The following ZC3H12A variants were observed in gnomAD, a reference collection of about 807,000 sequenced individuals.
ZC3H12A encodes endoribonuclease ZC3H12A.
In ZC3H12A, 9 loss-of-function variants were observed where a neutral mutation model predicts 29.9. The ratio of observed to expected loss-of-function variants is 0.30; its 90% CI spans 0.18 to 0.53. The LOEUF (loss-of-function observed/expected upper bound fraction) is 0.53. Ranked by LOEUF, ZC3H12A falls within the 20% of genes least tolerant of loss-of-function variation. ZC3H12A has a pLI of 0.96. For missense variants in ZC3H12A, 617 were observed against 799.0 expected (o/e 0.77, Z 2.75); for synonymous variants, 323 against 338.1 (o/e 0.96, Z 0.49).
Position 37,481,824 on chromosome 1 carries a change from C to T in ZC3H12A, c.807C>T (p.Phe269=), listed in dbSNP as rs745695390. The change falls in exon 4 of 6, where the codon TTC becomes TTT. Residue 269 remains phenylalanine, a synonymous_variant. Transcript: ENST00000373087. ...FIEERLLMYS[F]VNDKFMPPDD... ...AGGAGCGGCTGCTCATGTACTCCTT[C>T]GTCAATGACAAGTATGTTCCCTCCC... 47 of 1,613,722 alleles carry T rather than the reference C, an allele frequency of 2.9e-5. No homozygotes were observed. The highest frequency in any genetic ancestry group is 8.3e-5 in the Admixed American group (5 of 59,930).
chr1:37,481,491 A>T, intron 3 of ZC3H12A, 110 bp from the exon 4 acceptor site: 1 of 1,016,302 alleles, frequency 9.8e-7, no homozygotes, highest in Non-Finnish European at 1.5e-6. Context: ...TGCCCCGGTG[A>T]CCTTGGCGTT....
chr1:37,483,034 G>C lies in ZC3H12A; in HGVS notation c.1223G>C (p.Ser408Thr). 1 of 1,607,284 alleles carries C rather than the reference G, an allele frequency of 6.2e-7. No homozygotes were observed. Among genetic ancestry groups the C allele is most frequent in the South Asian group, 1.1e-5 (1 of 90,396 alleles). Reference sequence around the variant, plus strand: ...CCATCAGGCAGGAGCCTCGCACCTAGCGGGGGCAGTGGCAGCAGCTTTGGG... The same window carrying C: ...CCATCAGGCAGGAGCCTCGCACCTACCGGGGGCAGTGGCAGCAGCTTTGGG... ...YAPSGRSLAPSGGSGSSFGPT... is the reference protein window; with the variant it reads ...YAPSGRSLAPTGGSGSSFGPT... The change falls in exon 6 of 6, where the codon AGC (serine) becomes ACC (threonine). Residue 408 changes from serine to threonine, a missense_variant. Ser to Thr is a moderately conservative substitution (Grantham distance 58). Around this residue, in one of 5 missense-constraint regions of ZC3H12A, gnomAD observed 115 missense variants for 112.5 expected, o/e 1.02. Transcript: ENST00000373087.
chr1:37,480,566 G>C (rs183259358), intron 3 of ZC3H12A, 137 bp downstream of exon 3: 2 of 1,278,288 alleles, frequency 1.6e-6, no homozygotes, highest in African/African-American at 3.0e-5. Context: ...AGTTTTTTCT[G>C]TCCTTAGCAA....
At chr1:37,477,190 C>T (rs1641607966) in intron 2 of ZC3H12A, among the ~76,000 whole-genome samples, 1 of 152,260 alleles carries the variant, frequency 6.6e-6, no homozygotes, top group South Asian at 2.1e-4. Context: ...CTCTCAGTGT[C>T]CAGCCTCATG....
In ZC3H12A at chr1:37,479,645, T is replaced by A; in HGVS notation, c.444-645T>A. ...TGGGGAACTTGCTTCACTCCGGCGC[T>A]TTCTGTCCCATGCTGAAGGCTGGAG... is the stretch of plus-strand genomic sequence containing the variant. On this transcript the variant is annotated intron_variant, in intron 2 of 5. Coordinates refer to ENST00000373087, the MANE Select transcript of ZC3H12A (RefSeq NM_025079.3). This position sits in a 1 kb window ranked among gnomAD's most constrained non-coding sequence, Gnocchi z 4.5. The A allele has an allele frequency of 3.0e-6, 3 of 985,404 alleles. No individual in the cohort carries two copies. Among genetic ancestry groups the A allele is most frequent in the South Asian group, 9.4e-5 (2 of 21,288 alleles). 61.0% of individuals were successfully genotyped at this position (985,404 alleles called of 1,614,324 possible). A position where few individuals can be genotyped will look rare whatever the true frequency, so the allele number is the denominator to read the frequency against.
intron 2 of ZC3H12A, 173 bp from the exon 3 acceptor site, chr1:37,480,117 T>C (rs1310874737): frequency 7.5e-7 from 1 of 1,327,112 alleles, no homozygotes; most frequent in Non-Finnish European, 9.8e-7. Context: ...GGCCAGGGCC[T>C]GAGCCCTGGG....
rs1641636857 is a variant in ZC3H12A at position 37,478,575 on chromosome 1, T to C, written c.444-1715T>C. On this transcript the variant is annotated intron_variant, in intron 2 of 5. Transcript: ENST00000373087. This position sits in a 1 kb window ranked among gnomAD's most constrained non-coding sequence, Gnocchi z 5.2. ...TGCCTGCGAATCCCTGCTCATTCCCTGCGATCAGGGTCTGTGCCTGCCTTC... is the reference window on the plus strand; with the variant it reads ...TGCCTGCGAATCCCTGCTCATTCCCCGCGATCAGGGTCTGTGCCTGCCTTC... 6.6e-6 allele frequency among the ~76,000 whole-genome samples: 1 copy of C among 152,206 alleles called. No homozygotes were observed. Among genetic ancestry groups the C allele is most frequent in the Non-Finnish European group, 1.5e-5 (1 of 68,036 alleles).
rs1019457664 is a variant in ZC3H12A at position 37,479,112 on chromosome 1, T to C, written c.444-1178T>C. On this transcript the variant is annotated intron_variant, in intron 2 of 5. Transcript: ENST00000373087. The surrounding 1 kb of genome is among the most constrained non-coding windows in gnomAD (Gnocchi z 4.5). ...CTGGACTTGCCTCTTTTGCGTAACA[T>C]TTATTCTGTTTTATTTGCCAAATAC... 17 of 985,352 alleles carry C rather than the reference T, an allele frequency of 1.7e-5. No individual in the cohort carries two copies. The Admixed American group carries it at 9.8e-4, about 57-fold the overall frequency. 61.0% of individuals were successfully genotyped at this position (985,352 alleles called of 1,614,324 possible).
rs1274368917 is a variant in ZC3H12A, at chr1:37,480,332, G to A, written c.486G>A (p.Leu162=). The part of the protein sequence containing the change: ...KEVFSCRGIL[L]AVNWFLERGH... Reference sequence around the variant, plus strand: ...TCTTCTCCTGCCGGGGCATCCTGCTGGCAGTGAACTGGTTTCTGGAGCGGG... The same window carrying A: ...TCTTCTCCTGCCGGGGCATCCTGCTAGCAGTGAACTGGTTTCTGGAGCGGG... The change falls in exon 3 of 6, where the codon CTG becomes CTA. Residue 162 remains leucine (L), a synonymous_variant. Coordinates refer to ENST00000373087, the MANE Select transcript of ZC3H12A (RefSeq NM_025079.3). 6.2e-7 allele frequency: 1 copy of A among 1,614,072 alleles called. No homozygotes were observed.
At position 37,476,105 on chromosome 1, in the gene ZC3H12A, C is replaced by T. The variant is rs1238498786; in HGVS notation, c.443+166C>T. ...AAAGCCTTTTATGAGGCTAGGGTCG[C>T]GCTACTGGTAAGTGACAGAGGCAGG... is the stretch of plus-strand genomic sequence containing the variant. On this transcript the variant is annotated intron_variant, in intron 2 of 5. Transcript: ENST00000373087. This position sits in a 1 kb window ranked among gnomAD's most constrained non-coding sequence, Gnocchi z 6.0. Among the ~76,000 whole-genome samples the T allele has an allele frequency of 1.3e-5, 2 of 152,174 alleles. No individual in the cohort carries two copies. The highest frequency in any genetic ancestry group is 2.9e-5 in the Non-Finnish European group (2 of 68,034).
chr1:37,476,000 C>A lies in ZC3H12A; in HGVS notation c.443+61C>A. ...TCGCATCTCTCCTGTGGCCAGGACACATGGAAGGATGACTGTCTCTGCAGC... is the reference window on the plus strand; with the variant it reads ...TCGCATCTCTCCTGTGGCCAGGACAAATGGAAGGATGACTGTCTCTGCAGC... On this transcript the variant is annotated intron_variant, in intron 2 of 5. Coordinates refer to ENST00000373087, the MANE Select transcript of ZC3H12A (RefSeq NM_025079.3). The surrounding 1 kb of genome is among the most constrained non-coding windows in gnomAD (Gnocchi z 5.2). 7.1e-7 allele frequency: 1 copy of A among 1,417,830 alleles called. No individual in the cohort carries two copies. Among genetic ancestry groups the A allele is most frequent in the Non-Finnish European group, 9.3e-7 (1 of 1,077,092 alleles). 87.8% of individuals were successfully genotyped at this position (1,417,830 alleles called of 1,614,324 possible). A position where few individuals can be genotyped will look rare whatever the true frequency, so the allele number is the denominator to read the frequency against.
rs1641567187 is a variant in ZC3H12A at position 37,475,570 on chromosome 1, G to A, written c.74G>A (p.Ser25Asn). ...PTMSLWEFEDSHSRQGTPRPG... is the reference protein window; with the variant it reads ...PTMSLWEFEDNHSRQGTPRPG... ...ATGAGTCTGTGGGAATTTGAGGACA[G>A]CCACAGCCGTCAGGGCACCCCAAGG... The change falls in exon 2 of 6, where the codon AGC (serine) becomes AAC (asparagine). Residue 25 changes from serine (S) to asparagine (N), a missense_variant. Around this residue, in one of 5 missense-constraint regions of ZC3H12A, gnomAD observed 67 missense variants for 56.2 expected, o/e 1.19. Coordinates refer to ENST00000373087, the MANE Select transcript of ZC3H12A (RefSeq NM_025079.3). This position sits in a 1 kb window ranked among gnomAD's most constrained non-coding sequence, Gnocchi z 5.2. The A allele has an allele frequency of 6.2e-7, 1 of 1,613,812 alleles. No individual in the cohort carries two copies. The highest frequency in any genetic ancestry group is 1.3e-5 in the African/African-American group (1 of 74,940).
rs771982821 is a variant in ZC3H12A at position 37,482,864 on chromosome 1, G to T, written c.1053G>T (p.Lys351Asn). 1 of 1,613,946 alleles carries T rather than the reference G, an allele frequency of 6.2e-7. No homozygotes were observed. Among genetic ancestry groups the T allele is most frequent in the East Asian group, 2.2e-5 (1 of 44,880 alleles). ...TCTCACCCCCCAGAGCCCCAAGCAAGGACAAAAATGGCCGGCGGCCTTCAC... is the reference window on the plus strand; with the variant it reads ...TCTCACCCCCCAGAGCCCCAAGCAATGACAAAAATGGCCGGCGGCCTTCAC... ...ALLSPPRAPSKDKNGRRPSPS... is the reference protein window; with the variant it reads ...ALLSPPRAPSNDKNGRRPSPS... Residue 351 changes from lysine to asparagine, a missense_variant, in exon 6 of 6, where the codon AAG (lysine) becomes AAT (asparagine). Physicochemically the swap from Lys to Asn is moderately conservative, Grantham distance 94 (BLOSUM62 0). Around this residue, in one of 5 missense-constraint regions of ZC3H12A, gnomAD observed 115 missense variants for 112.5 expected, o/e 1.02. Coordinates refer to ENST00000373087, the MANE Select transcript of ZC3H12A (RefSeq NM_025079.3).
chr1:37,482,390 C>T (rs760333526), intron 4 of ZC3H12A, 44 bp from the exon 5 acceptor site: 15 of 1,539,270 alleles, frequency 9.7e-6, no homozygotes, highest in Non-Finnish European at 1.2e-5. Flanking sequence ...TTAGAAGTCC[C>T]TGCATGGCTC....
chr1:37,483,276 C>T lies in ZC3H12A; in HGVS notation c.1465C>T (p.Arg489Trp), dbSNP rs113655247. The part of the protein sequence containing the change: ...PATAAFSAFG[R>W]AMGAGHFSVP... ...CACCGCAGCCTTCTCTGCCTTTGGC[C>T]GGGCCATGGGTGCTGGCCACTTCAG... The change falls in exon 6 of 6, where the codon CGG (arginine) becomes TGG (tryptophan). Residue 489 changes from arginine (R) to tryptophan (W), a missense_variant. Arg to Trp is a moderately radical substitution (Grantham distance 101). Around this residue, in one of 5 missense-constraint regions of ZC3H12A, gnomAD observed 172 missense variants for 203.1 expected, o/e 0.85. Coordinates refer to ENST00000373087, the MANE Select transcript of ZC3H12A (RefSeq NM_025079.3). 6.2e-7 allele frequency: 1 copy of T among 1,614,054 alleles called. No homozygotes were observed. Among genetic ancestry groups the T allele is most frequent in the Non-Finnish European group, 8.5e-7 (1 of 1,180,000 alleles).
chr1:37,484,183 CT>C lies in ZC3H12A; in HGVS notation c.*573del, dbSNP rs1641778456. ...CACTCTATTCCTTATCCTGCTGCCC[CT>C]GTAGGGGTCAAGGGCCCTCCGTCTA... On this transcript the variant is annotated 3_prime_UTR_variant, in exon 6 of 6. Transcript: ENST00000373087. 1 of 152,146 alleles carries C rather than the reference CT, an allele frequency of 6.6e-6. No individual in the cohort carries two copies. The highest frequency in any genetic ancestry group is 1.5e-5 in the Non-Finnish European group (1 of 68,120). 9.4% of individuals were successfully genotyped at this position (152,146 alleles called of 1,614,324 possible). A position where few individuals can be genotyped will look rare whatever the true frequency, so the allele number is the denominator to read the frequency against.
Position 37,483,356 on chromosome 1 carries a change from G to C in ZC3H12A, c.1545G>C (p.Trp515Cys), listed in dbSNP as rs1294583537. Residue 515 changes from tryptophan (W) to cysteine (C), a missense_variant, in exon 6 of 6, where the codon TGG (tryptophan) becomes TGC (cysteine). By Grantham distance (215) the Trp-to-Cys change is radical (BLOSUM62 -2). This residue lies in a region of ZC3H12A where 172 missense variants were observed against 203.1 expected (regional missense o/e 0.85). Transcript: ENST00000373087. ...APPAFPPREY[W>C]SEPYPLPPPT... ...CTGCCTTTCCACCTCGAGAGTACTG[G>C]TCTGAACCATACCCACTGCCCCCAC... 2 of 1,614,154 alleles carry C rather than the reference G, an allele frequency of 1.2e-6. No individual in the cohort carries two copies. The highest frequency in any genetic ancestry group is 2.2e-5 in the South Asian group (2 of 91,090).
At chr1:37,480,540 C>G (rs1641681787) in intron 3 of ZC3H12A, 111 bp downstream of exon 3, 1 of 1,383,632 alleles carries the variant, frequency 7.2e-7, no homozygotes, top group Non-Finnish European at 9.6e-7. Flanking sequence ...AAGCAGGGAC[C>G]AGCATTTCTT....
intron 2 of ZC3H12A, among the ~76,000 whole-genome samples, chr1:37,477,479 G>A (rs535537450): frequency 3.3e-5 from 5 of 152,180 alleles, no homozygotes; most frequent in African/African-American, 1.2e-4. Context: ...GTTCCTGCCC[G>A]GCCACCCCCC....
Sources: allele counts gnomAD v4.1 joint callset (sites outside exome capture counted in the v4.1 genomes callset), GRCh38; gene constraint gnomAD v4.1.1; regional missense constraint gnomAD v4.1.1; non-coding constraint Gnocchi (gnomAD v3.1); transcripts MANE v1.5; gene names NCBI Gene and HGNC (gene_info 2026-07-23, HGNC 2026-07-21).